The following PLG variants were observed in gnomAD, a reference collection of about 807,000 sequenced individuals.
PLG encodes plasminogen, also known as plasmin.
Under a neutral mutation model 104.4 loss-of-function variants are expected in PLG, and 41 were observed. That is an observed-to-expected ratio of 0.39 (90% CI 0.31 to 0.51). PLG has a LOEUF of 0.51. PLG is among the 20% of genes least tolerant of loss of function. The pLI is 0.76. For synonymous variants in PLG, 337 were observed against 357.1 expected (o/e 0.94, Z 0.63); for missense variants, 891 against 1,003.6 (o/e 0.89, Z 1.52).
chr6:160,738,685 C>T lies in PLG; in HGVS notation c.1877+73C>T, dbSNP rs1778132794. On this transcript the variant is annotated intron_variant, in intron 15 of 18. Coordinates refer to ENST00000308192, the MANE Select transcript of PLG (RefSeq NM_000301.5). This position sits in a 1 kb window ranked among gnomAD's most constrained non-coding sequence, Gnocchi z 6.8. ...TCTGTCCTTCTTTTCCTCCTTTCCT[C>T]CTTTCCTTTCTCACTCTTCCTCCCT... The T allele has an allele frequency of 6.9e-6, 7 of 1,018,454 alleles. No homozygotes were observed. In the Admixed American group the frequency reaches 1.2e-4, roughly 17 times the overall value. The allele number at this position is 1,018,454 out of a possible 1,614,324, so 63.1% of individuals were successfully genotyped here.
In PLG at chr6:160,744,863, C is replaced by T. The variant is rs1368383751; in HGVS notation, c.2125+3446C>T. On this transcript the variant is annotated intron_variant, in intron 17 of 18. Coordinates refer to ENST00000308192, the MANE Select transcript of PLG (RefSeq NM_000301.5). The surrounding 1 kb of genome is among the most constrained non-coding windows in gnomAD (Gnocchi z 4.5). ...GATTCTGGTATGTTGTATCTTTATT[C>T]TCATTAGTTCAAAGAACTTCCTGAT... 3.3e-5 allele frequency among the ~76,000 whole-genome samples: 5 copies of T among 152,192 alleles called. No individual in the cohort carries two copies. The highest frequency in any genetic ancestry group is 1.2e-4 in the African/African-American group (5 of 41,438).
Position 160,736,887 on chromosome 6 carries a change from C to T in PLG, c.1682C>T (p.Ala561Val), listed in dbSNP as rs868033172. 7 of 1,613,588 alleles carry T rather than the reference C, an allele frequency of 4.3e-6. No individual in the cohort carries two copies. The highest frequency in any genetic ancestry group is 1.6e-4 in the Middle Eastern group (1 of 6,084). The stretch of plus-strand genomic sequence containing the variant: ...ATTTCTTTCCCACCTTGTGCCACAG[C>T]GGCCCCTTCATTTGATTGTGGGAAG... ...LYDYCDVPQC[A>V]APSFDCGKPQ... Residue 561 changes from alanine (A) to valine (V), a missense_variant and splice_region_variant, in exon 14 of 19, where the codon GCG (alanine) becomes GTG (valine). Coordinates refer to ENST00000308192, the MANE Select transcript of PLG (RefSeq NM_000301.5). This position sits in a 1 kb window ranked among gnomAD's most constrained non-coding sequence, Gnocchi z 5.2.
In PLG at chr6:160,731,191, C is replaced by G. The variant is rs1459528455; in HGVS notation, c.1397C>G (p.Pro466Arg). 5.0e-6 allele frequency: 8 copies of G among 1,614,064 alleles called. No individual in the cohort carries two copies. Among genetic ancestry groups the G allele is most frequent in the Admixed American group, 3.3e-5 (2 of 60,006 alleles). The part of the protein sequence containing the change: ...GTEASVVAPP[P>R]VVLLPDVETP... ...GAAGCGAGTGTTGTAGCACCTCCGC[C>G]TGTTGTCCTGCTTCCAGATGTAGAG... Residue 466 changes from proline to arginine, a missense_variant, in exon 11 of 19, where the codon CCT (proline) becomes CGT (arginine). Transcript: ENST00000308192. This position sits in a 1 kb window ranked among gnomAD's most constrained non-coding sequence, Gnocchi z 5.1.
rs1338475757 is a variant in PLG, at chr6:160,752,554, T to C, written c.2271+294T>C. On this transcript the variant is annotated intron_variant, in intron 18 of 18. Coordinates refer to ENST00000308192, the MANE Select transcript of PLG (RefSeq NM_000301.5). This position sits in a 1 kb window ranked among gnomAD's most constrained non-coding sequence, Gnocchi z 4.7. ...TGGCCAGGGACTAAAGTGGTGACTT[T>C]TCCGGTAGGGAAGGAGGTAGAGGAT... is the stretch of plus-strand genomic sequence containing the variant. Among the ~76,000 whole-genome samples the C allele has an allele frequency of 6.6e-6, 1 of 152,166 alleles. No individual in the cohort carries two copies. The highest frequency in any genetic ancestry group is 1.5e-5 in the Non-Finnish European group (1 of 68,032).
intron 10 of PLG, among the ~76,000 whole-genome samples, chr6:160,727,180 A>G (rs1221729254): frequency 6.6e-6 from 1 of 151,942 alleles, no homozygotes; most frequent in Non-Finnish European, 1.5e-5. Flanking sequence ...TAACCTAGAT[A>G]ATATGGACTA....
At position 160,716,848 on chromosome 6, in the gene PLG, G is replaced by A. The variant is rs956684218; in HGVS notation, c.787+85G>A. ...AGAAAACATGTGTCAGTGCCTGAGT[G>A]CAGCCTCTGAAAAGTGACCTACAAG... On this transcript the variant is annotated intron_variant, in intron 7 of 18. Transcript: ENST00000308192. 1.4e-5 allele frequency: 12 copies of A among 850,156 alleles called. No individual in the cohort carries two copies. The African/African-American group carries it at 2.0e-4, about 14-fold the overall frequency. 52.7% of individuals were successfully genotyped at this position (850,156 alleles called of 1,614,324 possible).
chr6:160,734,470 C>G lies in PLG; in HGVS notation c.1681+382C>G, dbSNP rs760937430. 4.6e-5 allele frequency among the ~76,000 whole-genome samples: 7 copies of G among 152,144 alleles called. No individual in the cohort carries two copies. The highest frequency in any genetic ancestry group is 8.8e-5 in the Non-Finnish European group (6 of 68,028). On this transcript the variant is annotated intron_variant, in intron 13 of 18. Coordinates refer to ENST00000308192, the MANE Select transcript of PLG (RefSeq NM_000301.5). The surrounding 1 kb of genome is among the most constrained non-coding windows in gnomAD (Gnocchi z 4.4). ...TGAGAAGTAAGAAAGAAAATACAAA[C>G]AGCAGGAAACAGGTAAGCATGTAAC... is the stretch of plus-strand genomic sequence containing the variant.
chr6:160,732,958 G>A lies in PLG; in HGVS notation c.1588-1037G>A, dbSNP rs813641. ...GGAGACCAGCTCACCTTCAGCTCCT[G>A]TTCCCTCCCTGGAAGTTGGACGTGG... On this transcript the variant is annotated intron_variant, in intron 12 of 18. Coordinates refer to ENST00000308192, the MANE Select transcript of PLG (RefSeq NM_000301.5). The surrounding 1 kb of genome is among the most constrained non-coding windows in gnomAD (Gnocchi z 4.5). 0.18 allele frequency among the ~76,000 whole-genome samples: 27,727 copies of A among 152,054 alleles called. 3,262 individuals are homozygous for A. Among genetic ancestry groups the A allele is most frequent in the East Asian group, 0.49 (2,528 of 5,144 alleles).
At position 160,718,759 on chromosome 6, in the gene PLG, C is replaced by G; in HGVS notation, c.1017C>G (p.Asn339Lys). 6.2e-7 allele frequency: 1 copy of G among 1,613,762 alleles called. No homozygotes were observed. The change falls in exon 9 of 19, where the codon AAC becomes AAG. Residue 339 changes from asparagine (N) to lysine (K), a missense_variant. Coordinates refer to ENST00000308192, the MANE Select transcript of PLG (RefSeq NM_000301.5). Reference protein sequence around the residue: ...GKRAPWCHTTNSQVRWEYCKI... With the variant: ...GKRAPWCHTTKSQVRWEYCKI... ...GGGCCCCATGGTGCCATACAACCAA[C>G]AGCCAAGTGCGGTGGGAGTACTGTA...
At position 160,738,163 on chromosome 6, in the gene PLG, T is replaced by A. The variant is rs113927237; in HGVS notation, c.1803-375T>A. On this transcript the variant is annotated intron_variant, in intron 14 of 18. Coordinates refer to ENST00000308192, the MANE Select transcript of PLG (RefSeq NM_000301.5). This position sits in a 1 kb window ranked among gnomAD's most constrained non-coding sequence, Gnocchi z 6.8. ...AGTGATTCATCAGACCTTACATAGA[T>A]CTTGTCATAAAAATGAAAGAGGCCT... is the stretch of plus-strand genomic sequence containing the variant. Among the ~76,000 whole-genome samples, 39 of 152,318 alleles carry A rather than the reference T, an allele frequency of 2.6e-4. No homozygotes were observed. Among genetic ancestry groups the A allele is most frequent in the African/African-American group, 8.7e-4 (36 of 41,568 alleles).
rs1362172684 is a variant in PLG, at chr6:160,731,145, C to T, written c.1351C>T (p.Leu451=). 3.1e-6 allele frequency: 5 copies of T among 1,613,974 alleles called. No homozygotes were observed. Among genetic ancestry groups the T allele is most frequent in the Non-Finnish European group, 4.2e-6 (5 of 1,179,990 alleles). ...CAGCGTCAGGTGGGAGTACTGCAAC[C>T]TGAAAAAATGCTCAGGAACAGAAGC... ...DPSVRWEYCN[L]KKCSGTEASV... The change falls in exon 11 of 19, where the codon CTG becomes TTG. Residue 451 remains leucine, a synonymous_variant. Transcript: ENST00000308192. The surrounding 1 kb of genome is among the most constrained non-coding windows in gnomAD (Gnocchi z 5.1).
rs1778149569 is a variant in PLG, at chr6:160,739,456, T to G, written c.2018+248T>G. On this transcript the variant is annotated intron_variant, in intron 16 of 18. Transcript: ENST00000308192. The surrounding 1 kb of genome is among the most constrained non-coding windows in gnomAD (Gnocchi z 4.4). ...GAGTTGAAATGAGGTACTCTGTTAC[T>G]CCTAGAACTCACTTAATGTTCACCA... Among the ~76,000 whole-genome samples, 1 of 152,210 alleles carries G rather than the reference T, an allele frequency of 6.6e-6. No individual in the cohort carries two copies.
rs1007104964 is a variant in PLG, at chr6:160,718,734, G to C, written c.992G>C (p.Arg331Thr). Residue 331 changes from arginine (R) to threonine (T), a missense_variant, in exon 9 of 19, where the codon AGG becomes ACG. Arg to Thr is a moderately conservative substitution (Grantham distance 71). This residue lies in a region of PLG where 854 missense variants were observed against 932.1 expected (regional missense o/e 0.92). Transcript: ENST00000308192. ...ENYCRNPDGK[R>T]APWCHTTNSQ... ...TACTGCCGCAATCCTGACGGAAAAA[G>C]GGCCCCATGGTGCCATACAACCAAC... 6.2e-7 allele frequency: 1 copy of C among 1,613,860 alleles called. No homozygotes were observed. The highest frequency in any genetic ancestry group is 8.5e-7 in the Non-Finnish European group (1 of 1,179,832).
Position 160,723,493 on chromosome 6 carries a change from C to T in PLG, c.1256+926C>T, listed in dbSNP as rs1395037743. Among the ~76,000 whole-genome samples the T allele has an allele frequency of 6.6e-6, 1 of 152,098 alleles. No homozygotes were observed. Among genetic ancestry groups the T allele is most frequent in the Non-Finnish European group, 1.5e-5 (1 of 68,026 alleles). ...CCTGGAGACTTCCTGGGCTGAAGAA[C>T]AAGGAGATGGAGCCCAAGCCGACCA... On this transcript the variant is annotated intron_variant, in intron 10 of 18. Coordinates refer to ENST00000308192, the MANE Select transcript of PLG (RefSeq NM_000301.5). This position sits in a 1 kb window ranked among gnomAD's most constrained non-coding sequence, Gnocchi z 4.7.
intron 1 of PLG, among the ~76,000 whole-genome samples, chr6:160,704,571 A>G (rs1284097398): frequency 1.3e-5 from 2 of 152,232 alleles, no homozygotes; most frequent in Non-Finnish European, 1.5e-5. Context: ...TGAGAGTTCA[A>G]GTTGGCAGAA....
chr6:160,738,683 C>A lies in PLG; in HGVS notation c.1877+71C>A. On this transcript the variant is annotated intron_variant, in intron 15 of 18. Transcript: ENST00000308192. The surrounding 1 kb of genome is among the most constrained non-coding windows in gnomAD (Gnocchi z 6.8). ...TTTCTGTCCTTCTTTTCCTCCTTTC[C>A]TCCTTTCCTTTCTCACTCTTCCTCC... 1 of 1,038,844 alleles carries A rather than the reference C, an allele frequency of 9.6e-7. No individual in the cohort carries two copies. The highest frequency in any genetic ancestry group is 1.3e-5 in the South Asian group (1 of 79,178). 64.4% of individuals were successfully genotyped at this position (1,038,844 alleles called of 1,614,324 possible). A position where few individuals can be genotyped will look rare whatever the true frequency, so the allele number is the denominator to read the frequency against.
chr6:160,714,367 T>C (rs1777696147), intron 5 of PLG, among the ~76,000 whole-genome samples: 1 of 152,172 alleles, frequency 6.6e-6, no homozygotes, highest in Non-Finnish European at 1.5e-5. Context: ...AGCGGAATGA[T>C]CAGAATAATT....
intron 17 of PLG, among the ~76,000 whole-genome samples, chr6:160,750,161 T>G (rs568818027): frequency 1.3e-5 from 2 of 152,354 alleles, no homozygotes; most frequent in Non-Finnish European, 2.9e-5. Flanking sequence ...AGATGTTCCC[T>G]GACTTGGATA....
intron 1 of PLG, among the ~76,000 whole-genome samples, chr6:160,702,797 G>T (rs1247647338): frequency 6.6e-6 from 1 of 152,188 alleles, no homozygotes; most frequent in Admixed American, 6.5e-5. Context: ...CATGGTGGCG[G>T]CAGGGTCGGG....
Sources: gnomAD v4.1 joint callset for allele counts (sites outside exome capture counted in the v4.1 genomes callset) on GRCh38, gnomAD v4.1.1 for gene constraint, gnomAD v4.1.1 regional missense constraint, Gnocchi (gnomAD v3.1) non-coding constraint, MANE v1.5 for transcripts, NCBI Gene and HGNC (gene_info 2026-07-23, HGNC 2026-07-21) for gene names.